OR2L13: variants seen among roughly 807,000 people sequenced by gnomAD.
OR2L13 encodes olfactory receptor family 2 subfamily L member 13.
A neutral mutation model predicts 15.3 loss-of-function variants in OR2L13; 14 were observed. The observed-to-expected ratio is 0.91, with a 90% confidence interval of 0.60 to 1.43. OR2L13 has a LOEUF of 1.43. Among genes scored for constraint, OR2L13 ranks in the 40% most tolerant of loss-of-function variants. The pLI, the probability that OR2L13 is intolerant of heterozygous loss-of-function variation, is 0.00. For missense variants in OR2L13, 367 were observed against 387.9 expected, an observed-to-expected ratio of 0.95 and a Z score of 0.45; for synonymous variants, 152 against 142.9, an observed-to-expected ratio of 1.06 and a Z score of -0.45.
the OR2L13 span, among the ~76,000 whole-genome samples, chr1:247,944,865 C>T: frequency 2.0e-5 from 3 of 151,708 alleles, no homozygotes; most frequent in Non-Finnish European, 4.4e-5. Flanking sequence ...CTTATGGTTT[C>T]TGATTGTGTT....
chr1:248,041,142 T>A, the OR2L13 span: 1 of 152,144 alleles, frequency 6.6e-6, no homozygotes, highest in East Asian at 1.9e-4. Context: ...AACAGCATGG[T>A]ACTGGTACCA....
chr1:248,013,908 A>G, the OR2L13 span, among the ~76,000 whole-genome samples: 1 of 152,180 alleles, frequency 6.6e-6, no homozygotes, highest in African/African-American at 2.4e-5. Context: ...GAATACAGAC[A>G]ACCAAAAGTG....
chr1:248,065,463 T>C, the OR2L13 span, among the ~76,000 whole-genome samples: 2 of 152,054 alleles, frequency 1.3e-5, no homozygotes, highest in Non-Finnish European at 1.5e-5. Context: ...CTGTAAGTTT[T>C]AGGGTACATG....
At chr1:248,049,529 C>G in the OR2L13 span, among the ~76,000 whole-genome samples, 1 of 152,032 alleles carries the variant, frequency 6.6e-6, no homozygotes, top group Non-Finnish European at 1.5e-5. Flanking sequence ...TAGAAAATAT[C>G]TTTCATTTAG....
chr1:247,966,133 G>T, the OR2L13 span: 1 of 1,614,138 alleles, frequency 6.2e-7, no homozygotes, highest in Non-Finnish European at 8.5e-7. Flanking sequence ...CCTGTTCTAT[G>T]CAACCACTCT....
chr1:248,023,227 T>C, the OR2L13 span: 1 of 161,776 alleles, frequency 6.2e-6, no homozygotes, highest in African/African-American at 2.4e-5. Context: ...ATTATTAAAA[T>C]AAGACAAAAT....
the OR2L13 span, among the ~76,000 whole-genome samples, chr1:248,024,865 G>A: frequency 2.0e-5 from 3 of 152,064 alleles, no homozygotes; most frequent in African/African-American, 7.2e-5. Flanking sequence ...TGTTCTTTTG[G>A]CTTAGGATTG....
chr1:247,968,173 T>C, the OR2L13 span, among the ~76,000 whole-genome samples: 3 of 152,068 alleles, frequency 2.0e-5, no homozygotes, highest in Non-Finnish European at 4.4e-5. Flanking sequence ...TAATAAACTT[T>C]ATAATATAAA....
the OR2L13 span, chr1:247,949,505 C>G: frequency 8.0e-4 from 1,293 of 1,613,860 alleles, 11 homozygotes; most frequent in African/African-American, 0.016. Flanking sequence ...TTTCATGTTC[C>G]TATGGCCAGG....
the OR2L13 span, chr1:248,029,975 G>C: frequency 6.6e-6 from 1 of 152,182 alleles, no homozygotes; most frequent in African/African-American, 2.4e-5. Flanking sequence ...CAAAGTCTCA[G>C]TGGACAATCC....
chr1:248,067,551 C>T, the OR2L13 span, among the ~76,000 whole-genome samples: 1 of 152,362 alleles, frequency 6.6e-6, no homozygotes, highest in South Asian at 2.1e-4. Context: ...CAGTCTACAG[C>T]TCCCAGCGTG....
chr1:248,041,507 T>C, the OR2L13 span: 2 of 152,022 alleles, frequency 1.3e-5, no homozygotes, highest in African/African-American at 2.4e-5. Flanking sequence ...AAATTGACAA[T>C]TGAGATCTAA....
the OR2L13 span, among the ~76,000 whole-genome samples, chr1:247,957,682 T>C: frequency 6.6e-6 from 1 of 152,222 alleles, no homozygotes; most frequent in Non-Finnish European, 1.5e-5. Flanking sequence ...AGGGTGTATG[T>C]GTTGAGGAAT....
the OR2L13 span, among the ~76,000 whole-genome samples, chr1:247,952,019 G>C: frequency 0.038 from 5,723 of 152,238 alleles, 122 homozygotes; most frequent in African/African-American, 0.06. Context: ...GAGAAGACCA[G>C]GCCAATTGCC....
the OR2L13 span, chr1:248,046,797 C>T: frequency 7.9e-5 from 12 of 152,206 alleles, no homozygotes; most frequent in East Asian, 2.3e-3. Flanking sequence ...CTTTAAAAAC[C>T]ATGTATTTGT....
the OR2L13 span, among the ~76,000 whole-genome samples, chr1:248,047,527 T>C: frequency 0.055 from 8,403 of 152,244 alleles, 733 homozygotes; most frequent in African/African-American, 0.19. Context: ...GGTAACCGTA[T>C]GATTAGTAGC....
At chr1:248,028,140 CAAAAAAAA>C in the OR2L13 span, among the ~76,000 whole-genome samples, 7 of 37,780 alleles carry the variant, frequency 1.9e-4, no homozygotes, top group African/African-American at 2.8e-4. Context: ...GATTCCGTCT[CAAAAAAAA>C]AAAAAAAAAA....
chr1:248,022,405 T>G, the OR2L13 span: 5 of 1,614,176 alleles, frequency 3.1e-6, no homozygotes, highest in Non-Finnish European at 4.2e-6. Context: ...ATAGGCTCCA[T>G]CAACTCTTGT....
chr1:248,003,720 C>T, the OR2L13 span: 1 of 1,613,664 alleles, frequency 6.2e-7, no homozygotes, highest in Non-Finnish European at 8.5e-7. Context: ...TATGAGGGCA[C>T]AGTGCTTTTG....
Sources: allele counts gnomAD v4.1 joint callset (sites outside exome capture counted in the v4.1 genomes callset), GRCh38; gene constraint gnomAD v4.1.1; transcripts MANE v1.5; gene names NCBI Gene and HGNC (gene_info 2026-07-23, HGNC 2026-07-21).